INPP4B: variants seen among roughly 807,000 people sequenced by gnomAD.
INPP4B encodes inositol polyphosphate 4-phosphatase type II.
A neutral mutation model predicts 122.5 loss-of-function variants in INPP4B; 55 were observed. The observed-to-expected ratio is 0.45, with a 90% CI of 0.36 to 0.56. The LOEUF (loss-of-function observed/expected upper bound fraction) is 0.56, where lower values mean the gene tolerates loss of function less well. Ranked by LOEUF, INPP4B falls within the 20% of genes least tolerant of loss-of-function variation. The pLI is 0.00. For synonymous variants in INPP4B, 403 were observed against 388.7 expected (o/e 1.04, Z -0.43); for missense variants, 1,000 against 1,097.7 (o/e 0.91, Z 1.26).
At chr4:142,657,286 T>C (rs563286602) in intron 2 of INPP4B, among the ~76,000 whole-genome samples, 1 of 152,210 alleles carries the variant, frequency 6.6e-6, no homozygotes, top group Non-Finnish European at 1.5e-5. Flanking sequence ...TAAAGACCAC[T>C]GGTAAAATTC....
chr4:142,765,298 G>A (rs1232083079), intron 1 of INPP4B, among the ~76,000 whole-genome samples: 1 of 152,134 alleles, frequency 6.6e-6, no homozygotes, highest in Non-Finnish European at 1.5e-5. Context: ...GCACTTATAG[G>A]TGGGGGTGGC....
At chr4:142,242,665 AC>A (rs113387967) in intron 11 of INPP4B, among the ~76,000 whole-genome samples, 1 of 151,750 alleles carries the variant, frequency 6.6e-6, no homozygotes, top group South Asian at 2.1e-4. Context: ...AATCACAGGA[AC>A]CCCCCACTTT....
intron 23 of INPP4B, among the ~76,000 whole-genome samples, chr4:142,098,344 AAAC>A (rs754225294): frequency 2.0e-5 from 3 of 152,124 alleles, no homozygotes; most frequent in African/African-American, 7.2e-5. Context: ...GAAAACAAAC[AAAC>A]AACAACAACA....
At chr4:142,581,156 G>A (rs1398649799) in intron 2 of INPP4B, among the ~76,000 whole-genome samples, 3 of 151,764 alleles carry the variant, frequency 2.0e-5, no homozygotes, top group African/African-American at 7.3e-5. Flanking sequence ...AAATGCATCA[G>A]GTTAAAAAAA....
At chr4:142,446,045 G>A (rs1016025814) in intron 3 of INPP4B, among the ~76,000 whole-genome samples, 6 of 151,868 alleles carry the variant, frequency 4.0e-5, no homozygotes, top group African/African-American at 1.4e-4. Context: ...TGTATTAAAT[G>A]TTTATGTCAG....
chr4:142,200,277 T>A (rs185438748), intron 14 of INPP4B, among the ~76,000 whole-genome samples: 74 of 151,994 alleles, frequency 4.9e-4, no homozygotes, highest in African/African-American at 1.5e-3. Context: ...TTAAAAAAAA[T>A]TTTTTTAGCA....
chr4:142,044,125 ATACAT>A (rs1197161551), intron 25 of INPP4B, among the ~76,000 whole-genome samples: 1 of 152,206 alleles, frequency 6.6e-6, no homozygotes, highest in Non-Finnish European at 1.5e-5. Context: ...TTTAGAAAAA[ATACAT>A]TATATTTAAA....
intron 11 of INPP4B, among the ~76,000 whole-genome samples, chr4:142,254,196 C>T (rs1208298752): frequency 6.6e-6 from 1 of 152,112 alleles, no homozygotes; most frequent in Non-Finnish European, 1.5e-5. Flanking sequence ...CACCAAAAAC[C>T]CATTGGTACA....
intron 1 of INPP4B, among the ~76,000 whole-genome samples, chr4:142,779,186 A>G (rs1042882202): frequency 6.6e-6 from 1 of 151,940 alleles, no homozygotes; most frequent in Non-Finnish European, 1.5e-5. Context: ...AAAACTCAAT[A>G]TTTTTTTCTG....
intron 7 of INPP4B, among the ~76,000 whole-genome samples, chr4:142,346,750 C>G (rs1158765430): frequency 6.6e-6 from 1 of 151,894 alleles, no homozygotes; most frequent in Non-Finnish European, 1.5e-5. Context: ...ATCTAGATAA[C>G]TGAAATGTTT....
intron 1 of INPP4B, among the ~76,000 whole-genome samples, chr4:142,763,626 T>C (rs760631276): frequency 3.3e-5 from 5 of 152,136 alleles, no homozygotes; most frequent in Admixed American, 6.6e-5. Context: ...ATTCAAATTG[T>C]ACTTGTTGCT....
chr4:142,275,878 C>T (rs1437669549), intron 9 of INPP4B, among the ~76,000 whole-genome samples: 1 of 151,700 alleles, frequency 6.6e-6, no homozygotes, highest in Non-Finnish European at 1.5e-5. Flanking sequence ...TACCCCAATC[C>T]CATATTCCCA....
intron 9 of INPP4B, among the ~76,000 whole-genome samples, chr4:142,284,144 C>G (rs1436313684): frequency 1.3e-5 from 2 of 150,750 alleles, no homozygotes. Context: ...AGAATAGATT[C>G]AAAAGACAAT....
chr4:142,423,821 T>C (rs1250247564), intron 5 of INPP4B: 1 of 361,516 alleles, frequency 2.8e-6, no homozygotes, highest in Admixed American at 3.1e-5. Context: ...TAATTTCCTA[T>C]AAAAAAAAAA....
chr4:142,124,524 C>T, intron 19 of INPP4B, 64 bp downstream of exon 19: 1 of 1,397,112 alleles, frequency 7.2e-7, no homozygotes, highest in South Asian at 1.2e-5. Context: ...TTCTATTCAT[C>T]ATCAAGGATA....
At position 142,257,845 on chromosome 4, in the gene INPP4B, A is replaced by G. The variant is rs911588769; in HGVS notation, c.688+2647T>C. Among the ~76,000 whole-genome samples, 529 of 152,226 alleles carry G rather than the reference A, an allele frequency of 3.5e-3. 4 individuals carry two copies. Among genetic ancestry groups the G allele is most frequent in the Non-Finnish European group, 6.2e-3 (421 of 67,958 alleles). On this transcript the variant is annotated intron_variant, in intron 11 of 25. Transcript: ENST00000262992. ...AATGACTTTCTTCACAGAATTGGAA[A>G]AAACTACTTTCAAGTTCATATGGAA...
intron 7 of INPP4B, among the ~76,000 whole-genome samples, chr4:142,387,577 C>A (rs1796369748): frequency 6.6e-6 from 1 of 151,988 alleles, no homozygotes; most frequent in African/African-American, 2.4e-5. Flanking sequence ...TCACTAGGGC[C>A]ACTCAGGGAA....
At chr4:142,646,121 G>C (rs1751724692) in intron 2 of INPP4B, among the ~76,000 whole-genome samples, 1 of 152,136 alleles carries the variant, frequency 6.6e-6, no homozygotes. Flanking sequence ...TTTGTTTGTA[G>C]TCATAGTTAT....
At chr4:142,249,370 CAA>C (rs949951685) in intron 11 of INPP4B, among the ~76,000 whole-genome samples, 1 of 150,938 alleles carries the variant, frequency 6.6e-6, no homozygotes, top group Non-Finnish European at 1.5e-5. Flanking sequence ...ATAATTTTAC[CAA>C]AAAAAGAGAG....
Sources: allele counts gnomAD v4.1 joint callset (sites outside exome capture counted in the v4.1 genomes callset), GRCh38; gene constraint gnomAD v4.1.1; transcripts MANE v1.5; gene names NCBI Gene and HGNC (gene_info 2026-07-23, HGNC 2026-07-21).